ADAMTSL3: variants seen among roughly 807,000 people sequenced by gnomAD.
The protein encoded by ADAMTSL3 is ADAMTS like 3, also known as ADAMTS-like protein 3.
ADAMTSL3 carries 128 observed loss-of-function variants against 201.7 expected under a neutral mutation model. The ratio of observed to expected loss-of-function variants is 0.63; its 90% confidence interval spans 0.55 to 0.73. The LOEUF is 0.73. ADAMTSL3 is among the 30% of genes least tolerant of loss of function. The pLI is 0.00. For missense variants in ADAMTSL3, 1,990 were observed against 2,119.6 expected (o/e 0.94, Z 1.20); for synonymous variants, 738 against 748.4 (o/e 0.99, Z 0.23).
chr15:83,840,733 A>G (rs1400059262), intron 7 of ADAMTSL3, among the ~76,000 whole-genome samples: 1 of 152,210 alleles, frequency 6.6e-6, no homozygotes, highest in Non-Finnish European at 1.5e-5. Flanking sequence ...TTTGGACTTC[A>G]TGAAGGAGGT....
At chr15:83,797,425 G>A (rs1222091602) in intron 4 of ADAMTSL3, among the ~76,000 whole-genome samples, 2 of 151,934 alleles carry the variant, frequency 1.3e-5, no homozygotes, top group African/African-American at 2.4e-5. Flanking sequence ...CCAGCAAGAC[G>A]AAACCCCATT....
chr15:83,955,886 A>T (rs1164570363), intron 19 of ADAMTSL3, among the ~76,000 whole-genome samples: 1 of 152,038 alleles, frequency 6.6e-6, no homozygotes, highest in African/African-American at 2.4e-5. Flanking sequence ...CTTGGGGTTG[A>T]GGGAGGGGTA....
chr15:83,823,963 TCTTCTTCTTCTCCTCCTC>T (rs2063952846), intron 6 of ADAMTSL3, among the ~76,000 whole-genome samples: 6 of 62,752 alleles, frequency 9.6e-5, no homozygotes, highest in Non-Finnish European at 2.3e-4. Flanking sequence ...TTCTTCTTCT[TCTTCTTCTTCTCCTCCTC>T]CTCCTCCTCC....
At chr15:83,960,468 C>A (rs1056699871) in intron 19 of ADAMTSL3, among the ~76,000 whole-genome samples, 3 of 152,108 alleles carry the variant, frequency 2.0e-5, no homozygotes, top group Admixed American at 6.5e-5. Context: ...TGTTCTAGTT[C>A]TTTGATGACA....
At chr15:83,946,858 C>A (rs1410256479) in intron 19 of ADAMTSL3, among the ~76,000 whole-genome samples, 1 of 152,142 alleles carries the variant, frequency 6.6e-6, no homozygotes, top group Non-Finnish European at 1.5e-5. Flanking sequence ...GAGGTCAGCC[C>A]AAACTCAAAC....
chr15:84,013,550 G>A (rs531698272), intron 23 of ADAMTSL3, among the ~76,000 whole-genome samples: 221 of 152,242 alleles, frequency 1.5e-3, no homozygotes, highest in Non-Finnish European at 2.6e-3. Context: ...TGAGGCGGGG[G>A]ATCGCTTGAG....
chr15:83,927,578 C>T (rs1426107687), intron 17 of ADAMTSL3, among the ~76,000 whole-genome samples: 2 of 152,138 alleles, frequency 1.3e-5, no homozygotes, highest in Non-Finnish European at 2.9e-5. Flanking sequence ...TTAATGGCTT[C>T]ACATTCTTTC....
chr15:83,814,620 A>G (rs1362125500), intron 5 of ADAMTSL3, among the ~76,000 whole-genome samples: 1 of 152,190 alleles, frequency 6.6e-6, no homozygotes, highest in Non-Finnish European at 1.5e-5. Flanking sequence ...AGTGGCCACC[A>G]ACAATTTATT....
Position 83,983,215 on chromosome 15 carries a change from C to T in ADAMTSL3, c.3587C>T (p.Ser1196Phe), listed in dbSNP as rs775046142. ...ATTTCATTTAATAAAACAATAAATT[C>T]CAGGATTGGAAATACAGTATACATT... ...PSISFNKTIN[S>F]RIGNTVYITK... Residue 1196 changes from serine to phenylalanine, a missense_variant, in exon 21 of 30, where the codon TCC (serine) becomes TTC (phenylalanine). Ser to Phe is a radical substitution (Grantham distance 155). Coordinates refer to ENST00000286744, the MANE Select transcript of ADAMTSL3 (RefSeq NM_207517.3). 1.2e-6 allele frequency: 2 copies of T among 1,613,974 alleles called. No individual in the cohort carries two copies. Among genetic ancestry groups the T allele is most frequent in the South Asian group, 2.2e-5 (2 of 91,034 alleles).
intron 4 of ADAMTSL3, among the ~76,000 whole-genome samples, chr15:83,779,814 T>G (rs1159360294): frequency 6.6e-6 from 1 of 151,946 alleles, no homozygotes; most frequent in African/African-American, 2.4e-5. Context: ...ATTGAATAAC[T>G]TGCTTCTGAA....
chr15:83,948,947 A>G (rs2066709394), intron 19 of ADAMTSL3, among the ~76,000 whole-genome samples: 1 of 152,168 alleles, frequency 6.6e-6, no homozygotes, highest in Admixed American at 6.5e-5. Flanking sequence ...TGCAATGTGT[A>G]AGAATCACAA....
chr15:83,730,164 A>G (rs559683083), intron 3 of ADAMTSL3, among the ~76,000 whole-genome samples: 1 of 152,230 alleles, frequency 6.6e-6, no homozygotes, highest in South Asian at 2.1e-4. Flanking sequence ...ATGTGAGCTG[A>G]AGGGCCTATT....
At chr15:83,733,210 A>G (rs185451929) in intron 3 of ADAMTSL3, among the ~76,000 whole-genome samples, 3 of 152,312 alleles carry the variant, frequency 2.0e-5, no homozygotes, top group East Asian at 3.9e-4. Flanking sequence ...TTGAACACCT[A>G]CTATACACCA....
chr15:83,958,114 G>A (rs2066894289), intron 19 of ADAMTSL3, among the ~76,000 whole-genome samples: 1 of 152,144 alleles, frequency 6.6e-6, no homozygotes, highest in Non-Finnish European at 1.5e-5. Flanking sequence ...TTAGCAGCTG[G>A]GCAGCGATAA....
At chr15:83,995,892 G>GGGCTTA (rs2067678368) in intron 23 of ADAMTSL3, among the ~76,000 whole-genome samples, 1 of 152,102 alleles carries the variant, frequency 6.6e-6, no homozygotes, top group Admixed American at 6.5e-5. Context: ...TAAAGCTTGA[G>GGGCTTA]GGCTTACAGC....
chr15:84,037,882 C>A lies in ADAMTSL3; in HGVS notation c.*76C>A, dbSNP rs141298539. 8 of 1,515,462 alleles carry A rather than the reference C, an allele frequency of 5.3e-6. No individual in the cohort carries two copies. In the East Asian group the frequency reaches 1.6e-4, roughly 31 times the overall value. The allele number at this position is 1,515,462 out of a possible 1,614,324, so 93.9% of individuals were successfully genotyped here. A position where few individuals can be genotyped will look rare whatever the true frequency, so the allele number is the denominator to read the frequency against. The stretch of plus-strand genomic sequence containing the variant: ...AGCTCTTTTCCCCATGTCGCTGATT[C>A]AAAAACATGTATTTCTTAAAAGACT... On this transcript the variant is annotated 3_prime_UTR_variant, in exon 30 of 30. Transcript: ENST00000286744.
In ADAMTSL3 at chr15:84,035,640, T is replaced by C. The variant is rs79150634; in HGVS notation, c.4755-1133T>C. On this transcript the variant is annotated intron_variant, in intron 28 of 29. Coordinates refer to ENST00000286744, the MANE Select transcript of ADAMTSL3 (RefSeq NM_207517.3). ...ACTACGTGCAATACTCTCAGAGTTC[T>C]TGGATATCACAAATTTCTCCATTTT... 7.9e-3 allele frequency among the ~76,000 whole-genome samples: 1,211 copies of C among 152,376 alleles called. 27 individuals are homozygous for C. The highest frequency in any genetic ancestry group is 0.028 in the African/African-American group (1,161 of 41,592).
At chr15:83,913,027 C>T (rs1233299355) in intron 15 of ADAMTSL3, 65 bp from the exon 16 acceptor site, 6 of 1,534,916 alleles carry the variant, frequency 3.9e-6, no homozygotes, top group Non-Finnish European at 5.3e-6. Context: ...TGTCACTCCT[C>T]CTTTTCTGGC....
At chr15:83,733,986 A>G (rs564938532) in intron 3 of ADAMTSL3, among the ~76,000 whole-genome samples, 13 of 152,262 alleles carry the variant, frequency 8.5e-5, no homozygotes, top group Non-Finnish European at 1.6e-4. Context: ...ACATTTAATT[A>G]AAGATTGGTA....
Sources: gnomAD v4.1 joint callset for allele counts (sites outside exome capture counted in the v4.1 genomes callset) on GRCh38, gnomAD v4.1.1 for gene constraint, MANE v1.5 for transcripts, NCBI Gene and HGNC (gene_info 2026-07-23, HGNC 2026-07-21) for gene names.